NAV3: variants seen among roughly 807,000 people sequenced by gnomAD.
The protein encoded by NAV3 is pore membrane and/or filament interacting like protein 1.
A neutral mutation model predicts 244.7 loss-of-function variants in NAV3; 87 were observed. The observed-to-expected ratio is 0.36, with a 90% CI of 0.30 to 0.42. The LOEUF (loss-of-function observed/expected upper bound fraction) is 0.42. NAV3 is among the 20% of genes least tolerant of loss of function. The pLI is 1.00. For synonymous variants in NAV3, 1,126 were observed against 1,042.2 expected (o/e 1.08, Z -1.55); for missense variants, 2,663 against 2,893.3 (o/e 0.92, Z 1.83).
At chr12:78,199,580 T>C (rs1427460465) in intron 37 of NAV3, 49 bp downstream of exon 37, 2 of 1,368,300 alleles carry the variant, frequency 1.5e-6, no homozygotes, top group South Asian at 3.0e-5. Flanking sequence ...TAACAGTGCT[T>C]GGTAAAGACG....
At chr12:77,572,714 C>G (rs1214520235) in intron 2 of NAV3, among the ~76,000 whole-genome samples, 2 of 152,170 alleles carry the variant, frequency 1.3e-5, no homozygotes, top group Non-Finnish European at 2.9e-5. Flanking sequence ...TCAACTTAGG[C>G]CTTCTGAATT....
At chr12:77,855,067 C>A (rs562868914) in intron 1 of NAV3, among the ~76,000 whole-genome samples, 1 of 152,258 alleles carries the variant, frequency 6.6e-6, no homozygotes, top group South Asian at 2.1e-4. Flanking sequence ...GCGGAGCTTG[C>A]AGTGAGCTGA....
chr12:77,940,293 A>G, intron 1 of NAV3, 26 bp from the exon 2 acceptor site: 1 of 1,553,350 alleles, frequency 6.4e-7, no homozygotes, highest in South Asian at 1.1e-5. Context: ...ACCCCATCTC[A>G]CTTTTTCCTT....
chr12:77,703,020 T>A (rs1413855074), intron 2 of NAV3, among the ~76,000 whole-genome samples: 1 of 152,054 alleles, frequency 6.6e-6, no homozygotes, highest in Non-Finnish European at 1.5e-5. Context: ...TTTTTTTAAA[T>A]AATTTTTAAT....
intron 1 of NAV3, among the ~76,000 whole-genome samples, chr12:77,897,690 CTT>C (rs111953211): frequency 1.4e-5 from 2 of 143,156 alleles, no homozygotes; most frequent in East Asian, 2.0e-4. Flanking sequence ...CCTATTTTGT[CTT>C]TTTTTTTTTT....
rs143717220 is a variant in NAV3, at chr12:77,702,492, T to C, written c.72+130226T>C. Among the ~76,000 whole-genome samples the C allele has an allele frequency of 1.5e-3, 235 of 152,146 alleles. 1 individual carries two copies. The highest frequency in any genetic ancestry group is 5.5e-3 in the African/African-American group (229 of 41,572). ...AATAAGTTTACCATCTTGCTATTAG[T>C]TTTGTATTTGTCTTGTGTATTTTTT... is the stretch of plus-strand genomic sequence containing the variant. On this transcript the variant is annotated intron_variant, in intron 2 of 8. Coordinates refer to the NAV3 transcript ENST00000550042.
chr12:77,722,218 G>T (rs565560966), intron 2 of NAV3, among the ~76,000 whole-genome samples: 1 of 151,978 alleles, frequency 6.6e-6, no homozygotes, highest in Non-Finnish European at 1.5e-5. Context: ...GAATTCAATC[G>T]TGTTTGGTAG....
At chr12:77,690,434 T>G (rs1874952671) in intron 2 of NAV3, among the ~76,000 whole-genome samples, 1 of 151,850 alleles carries the variant, frequency 6.6e-6, no homozygotes, top group Non-Finnish European at 1.5e-5. Flanking sequence ...GTAGTTAAAG[T>G]CGTATTAATC....
chr12:77,687,726 T>C (rs1298810260), intron 2 of NAV3, among the ~76,000 whole-genome samples: 1 of 152,086 alleles, frequency 6.6e-6, no homozygotes, highest in African/African-American at 2.4e-5. Flanking sequence ...AATATAAACT[T>C]AGATCGGTTC....
At chr12:77,783,626 A>C (rs754424197) in intron 2 of NAV3, 4 of 152,290 alleles carry the variant, frequency 2.6e-5, no homozygotes, top group Non-Finnish European at 5.9e-5. Flanking sequence ...GGCAGGCTTC[A>C]TGGAGAAGGG....
Position 77,914,310 on chromosome 12 carries a change from G to A in NAV3, c.244-26009G>A, listed in dbSNP as rs566943654. ...TTATTCACACGTCAGGCAGTCCATC[G>A]GTCAATCATTTGAGAATGTGCAAGA... On this transcript the variant is annotated intron_variant, in intron 1 of 39. Coordinates refer to ENST00000397909, the MANE Select transcript of NAV3 (RefSeq NM_001024383.2). Among the ~76,000 whole-genome samples, 91 of 152,054 alleles carry A rather than the reference G, an allele frequency of 6.0e-4. 1 individual carries two copies. The South Asian group carries it at 0.018, about 30-fold the overall frequency.
intron 2 of NAV3, among the ~76,000 whole-genome samples, chr12:77,619,693 A>G (rs1871285513): frequency 6.6e-6 from 1 of 152,314 alleles, no homozygotes; most frequent in Admixed American, 6.5e-5. Flanking sequence ...GTGGGAAAGA[A>G]AAATGAATAA....
intron 8 of NAV3, among the ~76,000 whole-genome samples, chr12:78,011,138 C>T (rs1253297785): frequency 6.6e-6 from 1 of 152,034 alleles, no homozygotes; most frequent in African/African-American, 2.4e-5. Flanking sequence ...TTAAGAAGTT[C>T]CTGATAACTA....
chr12:77,873,734 A>ATGTGTGTGTGTGTG (rs374693432), intron 1 of NAV3, among the ~76,000 whole-genome samples: 5 of 85,292 alleles, frequency 5.9e-5, no homozygotes, highest in Admixed American at 1.2e-4. Flanking sequence ...CTAAATACAT[A>ATGTGTGTGTGTGTG]TGTGTGTGTG....
intron 12 of NAV3, among the ~76,000 whole-genome samples, chr12:78,096,788 A>G (rs550048825): frequency 2.6e-5 from 4 of 152,268 alleles, no homozygotes; most frequent in African/African-American, 7.2e-5. Context: ...GCCAAACCAT[A>G]TGAAGTTCTT....
intron 12 of NAV3, among the ~76,000 whole-genome samples, chr12:78,069,478 A>G (rs185623492): frequency 4.5e-4 from 68 of 152,056 alleles, no homozygotes; most frequent in Admixed American, 4.5e-3. Context: ...TAGTTTGGTT[A>G]CATCATATAT....
rs1565793632 is a variant in NAV3 at position 78,198,702 on chromosome 12, GT to G, written c.6518+30del. On this transcript the variant is annotated intron_variant, in intron 36 of 39. Coordinates refer to ENST00000397909, the MANE Select transcript of NAV3 (RefSeq NM_001024383.2). Reference sequence around the variant, plus strand: ...GTAAAGTTAAGTTGAAGGTTTTTTTGTTTTGTTTTTTTGTTTTGTGTTGGGG... The same window carrying G: ...GTAAAGTTAAGTTGAAGGTTTTTTTGTTTGTTTTTTTGTTTTGTGTTGGGG... 4 of 765,710 alleles carry G rather than the reference GT, an allele frequency of 5.2e-6. No individual in the cohort carries two copies. In the African/African-American group the frequency reaches 1.0e-4, roughly 20 times the overall value. The allele number at this position is 765,710 out of a possible 1,614,324, so 47.4% of individuals were successfully genotyped here.
At chr12:78,090,954 CTGTGTGTGTGTGTG>C (rs10581059) in intron 12 of NAV3, among the ~76,000 whole-genome samples, 135 of 142,652 alleles carry the variant, frequency 9.5e-4, no homozygotes, top group Middle Eastern at 3.6e-3. Flanking sequence ...GTGCTGTATT[CTGTGTGTGTGTGTG>C]TGTGTGTGTG....
chr12:77,644,330 T>C (rs1872535194), intron 2 of NAV3, among the ~76,000 whole-genome samples: 1 of 152,084 alleles, frequency 6.6e-6, no homozygotes, highest in South Asian at 2.1e-4. Context: ...CAGATAGAAG[T>C]AAATGAAACA....
Sources: gnomAD v4.1 joint callset for allele counts (sites outside exome capture counted in the v4.1 genomes callset) on GRCh38, gnomAD v4.1.1 for gene constraint, MANE v1.5 for transcripts, NCBI Gene and HGNC (gene_info 2026-07-23, HGNC 2026-07-21) for gene names.